The following TBC1D30 variants were observed in gnomAD, a reference collection of about 807,000 sequenced individuals.
The protein encoded by TBC1D30 is TBC1 domain family member 30.
Under a neutral mutation model 63.2 loss-of-function variants are expected in TBC1D30, and 31 were observed. The observed-to-expected ratio is 0.49, with a 90% CI of 0.37 to 0.66. The LOEUF (loss-of-function observed/expected upper bound fraction) is 0.66, where lower values mean the gene tolerates loss of function less well. Ranked by LOEUF, TBC1D30 falls within the 30% of genes least tolerant of loss-of-function variation. The pLI, the probability that TBC1D30 is intolerant of heterozygous loss-of-function variation, is 0.00. For synonymous variants in TBC1D30, 307 were observed against 361.5 expected, an observed-to-expected ratio of 0.85 and a Z score of 1.71; for missense variants, 810 against 953.6, an observed-to-expected ratio of 0.85 and a Z score of 1.98.
intron 2 of TBC1D30, among the ~76,000 whole-genome samples, chr12:64,794,171 C>T (rs1220912279): frequency 1.3e-5 from 2 of 151,800 alleles, no homozygotes; most frequent in Non-Finnish European, 2.9e-5. Context: ...ATTTTTTTTC[C>T]CTTTAAGAGC....
chr12:64,803,002 G>T (rs967178769), intron 2 of TBC1D30, among the ~76,000 whole-genome samples: 17 of 152,108 alleles, frequency 1.1e-4, no homozygotes, highest in Admixed American at 9.8e-4. Context: ...AATCCTATGG[G>T]TATATACCCA....
At chr12:64,816,371 C>T (rs1465028436) in intron 2 of TBC1D30, among the ~76,000 whole-genome samples, 1 of 152,096 alleles carries the variant, frequency 6.6e-6, no homozygotes, top group Non-Finnish European at 1.5e-5. Context: ...GAGTGTAATA[C>T]CTTGTAGAAA....
rs148570503 is a variant in TBC1D30, at chr12:64,798,895, C to T, written c.643+12850C>T. ...TGGCACGATCTTGGCTCACTGCAAG[C>T]TCCGCCTCCCTGGTTCACGCCACTC... On this transcript the variant is annotated intron_variant, in intron 2 of 12. Coordinates refer to the TBC1D30 transcript ENST00000542120. Among the ~76,000 whole-genome samples the T allele has an allele frequency of 8.0e-3, 1,203 of 150,294 alleles. 18 individuals are homozygous for T. Among genetic ancestry groups the T allele is most frequent in the African/African-American group, 0.028 (1,124 of 40,718 alleles).
intron 2 of TBC1D30, 138 bp downstream of exon 2, chr12:64,828,034 G>A (rs1874518063): frequency 1.5e-6 from 1 of 686,086 alleles, no homozygotes. Context: ...AGTTAAAGTA[G>A]CTTTTGAGCT....
intron 10 of TBC1D30, 47 bp from the exon 11 acceptor site, chr12:64,870,555 G>A (rs1261994562): frequency 1.4e-6 from 2 of 1,461,410 alleles, no homozygotes; most frequent in Non-Finnish European, 1.9e-6. Context: ...ATTTACTCCT[G>A]TTCCCCTCCA....
chr12:64,826,901 T>A (rs552871321), intron 1 of TBC1D30, among the ~76,000 whole-genome samples: 1 of 152,242 alleles, frequency 6.6e-6, no homozygotes, highest in Admixed American at 6.5e-5. Context: ...GCTTCTTGAC[T>A]CCGTGTATAT....
intron 5 of TBC1D30, 73 bp downstream of exon 5, chr12:64,832,377 C>A (rs1874949530): frequency 7.2e-7 from 1 of 1,397,700 alleles, no homozygotes; most frequent in Admixed American, 2.1e-5. Context: ...AATTTCTCTT[C>A]CTTGATGTCT....
chr12:64,860,481 T>C (rs1220120254), intron 8 of TBC1D30, among the ~76,000 whole-genome samples: 6 of 152,042 alleles, frequency 3.9e-5, no homozygotes, highest in African/African-American at 1.2e-4. Flanking sequence ...TTTTTTTTTT[T>C]CTGTAAGTAG....
At chr12:64,778,539 A>G (rs1871144281), upstream of TBC1D30, among the ~76,000 whole-genome samples, 1 of 148,314 alleles carries the variant, frequency 6.7e-6, no homozygotes, top group Admixed American at 6.7e-5. Context: ...GGAGTGATTC[A>G]CAGAGAAGCC....
intron 9 of TBC1D30, among the ~76,000 whole-genome samples, chr12:64,866,401 A>G (rs1356235904): frequency 6.6e-6 from 1 of 152,074 alleles, no homozygotes; most frequent in African/African-American, 2.4e-5. Context: ...TTGGACAGAG[A>G]TGGGAGGGAA....
chr12:64,768,894 T>C (rs550595287), intron 1 of TBC1D30, among the ~76,000 whole-genome samples: 1 of 152,170 alleles, frequency 6.6e-6, no homozygotes, highest in Non-Finnish European at 1.5e-5. Context: ...TGGTGGCTCA[T>C]GACTGTAATC....
intron 1 of TBC1D30, among the ~76,000 whole-genome samples, chr12:64,772,320 A>T (rs1426092798): frequency 6.6e-6 from 1 of 152,022 alleles, no homozygotes; most frequent in Non-Finnish European, 1.5e-5. Flanking sequence ...GAAAGCATTC[A>T]TGTTGGAAGA....
chr12:64,857,463 T>C (rs1877406554), intron 8 of TBC1D30, among the ~76,000 whole-genome samples: 1 of 152,298 alleles, frequency 6.6e-6, no homozygotes, highest in African/African-American at 2.4e-5. Context: ...CTATCCAAGA[T>C]GCAAGACAAA....
intron 2 of TBC1D30, among the ~76,000 whole-genome samples, chr12:64,803,446 A>G (rs1872695996): frequency 6.6e-6 from 1 of 152,104 alleles, no homozygotes; most frequent in Non-Finnish European, 1.5e-5. Context: ...CATTCTGTAG[A>G]TAGCCTGTTC....
chr12:64,814,156 C>T (rs1447305712), intron 2 of TBC1D30, among the ~76,000 whole-genome samples: 3 of 152,086 alleles, frequency 2.0e-5, no homozygotes, highest in Non-Finnish European at 2.9e-5. Context: ...AAGTGATTGT[C>T]GTGCCTCAGC....
At position 64,875,391 on chromosome 12, in the gene TBC1D30, G is replaced by A. The variant is rs1878977154; in HGVS notation, c.1889G>A (p.Arg630Lys). The A allele has an allele frequency of 6.5e-7, 1 of 1,536,142 alleles. No individual in the cohort carries two copies. The highest frequency in any genetic ancestry group is 1.4e-5 in the African/African-American group (1 of 73,054). ...GGCAGCAGCCCTGAAGGCAGTACCA[G>A]GAGGACGATCGAGGGGCAGTCTCCG... ...REGSSPEGSTRRTIEGQSPEP... is the reference protein window; with the variant it reads ...REGSSPEGSTKRTIEGQSPEP... The change falls in exon 12 of 12, where the codon AGG (arginine) becomes AAG (lysine). Residue 630 changes from arginine (R) to lysine (K), a missense_variant. Transcript: ENST00000539867.
chr12:64,829,273 G>C (rs1451740248), intron 3 of TBC1D30, among the ~76,000 whole-genome samples: 1 of 152,184 alleles, frequency 6.6e-6, no homozygotes, highest in Non-Finnish European at 1.5e-5. Flanking sequence ...CTGAAGTAGG[G>C]AGACCAGTAG....
chr12:64,856,299 C>A (rs1402492642), intron 8 of TBC1D30, among the ~76,000 whole-genome samples: 1 of 152,212 alleles, frequency 6.6e-6, no homozygotes, highest in African/African-American at 2.4e-5. Context: ...CAAACACCTC[C>A]CACCAGGCCC....
At chr12:64,826,104 A>G (rs530322682) in intron 1 of TBC1D30, among the ~76,000 whole-genome samples, 3 of 152,124 alleles carry the variant, frequency 2.0e-5, no homozygotes, top group Admixed American at 2.0e-4. Flanking sequence ...TCCCACGTTA[A>G]AAGTAAGTGT....
Sources: gnomAD v4.1 joint callset for allele counts (sites outside exome capture counted in the v4.1 genomes callset) on GRCh38, gnomAD v4.1.1 for gene constraint, MANE v1.5 for transcripts, NCBI Gene and HGNC (gene_info 2026-07-23, HGNC 2026-07-21) for gene names.